Variants in NCAM2 observed in about 807,000 individuals in gnomAD.
NCAM2 encodes neural cell adhesion molecule 2, also known as N-CAM-2.
In NCAM2, 30 loss-of-function variants were observed where a neutral mutation model predicts 98.1. The ratio of observed to expected loss-of-function variants is 0.31; its 90% CI spans 0.23 to 0.41. The LOEUF is 0.41. Among genes scored for constraint, NCAM2 ranks in the 10% least tolerant of loss-of-function variants. NCAM2 has a pLI of 1.00. For synonymous variants in NCAM2, 368 were observed against 342.4 expected (o/e 1.07, Z -0.83); for missense variants, 867 against 1,005.8 (o/e 0.86, Z 1.87).
At chr21:21,160,021 A>C (rs1034761874) in intron 1 of NCAM2, among the ~76,000 whole-genome samples, 1 of 152,110 alleles carries the variant, frequency 6.6e-6, no homozygotes, top group African/African-American at 2.4e-5. Context: ...GTTTATGCTC[A>C]TCGCGTATTC....
chr21:21,217,300 A>G (rs1336489428), intron 1 of NCAM2, among the ~76,000 whole-genome samples: 1 of 152,204 alleles, frequency 6.6e-6, no homozygotes, highest in African/African-American at 2.4e-5. Flanking sequence ...AAGTCTGTGC[A>G]CAAACCCCAG....
intron 12 of NCAM2, among the ~76,000 whole-genome samples, chr21:21,438,214 A>C (rs1293163447): frequency 1.3e-5 from 2 of 151,964 alleles, no homozygotes; most frequent in Non-Finnish European, 2.9e-5. Context: ...GAATACACTT[A>C]TTGATGTGTC....
chr21:21,330,892 CAA>C (rs1040511625), intron 6 of NCAM2, among the ~76,000 whole-genome samples: 26 of 152,072 alleles, frequency 1.7e-4, no homozygotes, highest in African/African-American at 6.3e-4. Flanking sequence ...ACTATGTCTT[CAA>C]GTTTACTAAT....
chr21:21,411,220 A>G (rs1346503016), intron 10 of NCAM2, among the ~76,000 whole-genome samples: 2 of 137,994 alleles, frequency 1.4e-5, no homozygotes, highest in African/African-American at 5.4e-5. Flanking sequence ...AAATTTTTCC[A>G]TATATATATA....
At position 21,508,808 on chromosome 21, in the gene NCAM2, CTTTTTTTTTTTTTTT is replaced by C. The variant is rs764097299; in HGVS notation, c.2078-25_2078-11del. The C allele has an allele frequency of 6.8e-4, 279 of 413,206 alleles. 1 individual carries two copies. Among genetic ancestry groups the C allele is most frequent in the Middle Eastern group, 3.6e-3 (4 of 1,124 alleles). 25.6% of individuals were successfully genotyped at this position (413,206 alleles called of 1,614,324 possible). A position where few individuals can be genotyped will look rare whatever the true frequency, so the allele number is the denominator to read the frequency against. ...ATTTAGAGGTTTAATACTTTTTTTC[CTTTTTTTTTTTTTTT>C]TTTTTTTTTTTTTTTTTACTTTTTA... On this transcript the variant is annotated intron_variant, in intron 15 of 17. Transcript: ENST00000400546.
rs771852385 is a variant in NCAM2 at position 21,283,559 on chromosome 21, T to A, written c.131-635T>A. Reference sequence around the variant, plus strand: ...TATCATATGAATAAATAGTTAACAGTTTTAGATTAAAATAATGAAACTACT... The same window carrying A: ...TATCATATGAATAAATAGTTAACAGATTTAGATTAAAATAATGAAACTACT... On this transcript the variant is annotated intron_variant, in intron 2 of 17. Coordinates refer to ENST00000400546, the MANE Select transcript of NCAM2 (RefSeq NM_004540.5). 1.6e-4 allele frequency among the ~76,000 whole-genome samples: 24 copies of A among 152,012 alleles called. No individual in the cohort carries two copies. In the South Asian group the frequency reaches 2.7e-3, roughly 17 times the overall value.
Position 21,106,377 on chromosome 21 carries a change from G to T in NCAM2, c.55+107759G>T, listed in dbSNP as rs192188179. 1.7e-4 allele frequency among the ~76,000 whole-genome samples: 25 copies of T among 145,438 alleles called. No homozygotes were observed. In the East Asian group the frequency reaches 4.9e-3, roughly 29 times the overall value. ...TCTGGGCAATATATTTAAATATGAT[G>T]TTTCTTTCTTTAGATTTTTCTTTAT... On this transcript the variant is annotated intron_variant, in intron 1 of 17. Transcript: ENST00000400546.
At chr21:21,377,786 C>T (rs988531032) in intron 9 of NCAM2, among the ~76,000 whole-genome samples, 1 of 151,874 alleles carries the variant, frequency 6.6e-6, no homozygotes, top group Non-Finnish European at 1.5e-5. Context: ...ACCTATTTCT[C>T]CTGTCTATCT....
At chr21:21,456,733 G>A (rs1158684450) in intron 12 of NCAM2, among the ~76,000 whole-genome samples, 1 of 152,136 alleles carries the variant, frequency 6.6e-6, no homozygotes, top group African/African-American at 2.4e-5. Context: ...TGGTATTGGA[G>A]GTGGGGCTTT....
chr21:21,442,878 T>C (rs1028845970), intron 12 of NCAM2, among the ~76,000 whole-genome samples: 1 of 152,176 alleles, frequency 6.6e-6, no homozygotes, highest in Non-Finnish European at 1.5e-5. Context: ...TGAAATATTT[T>C]TTAAGGGGAG....
At chr21:21,494,416 TA>T (rs933513122) in intron 15 of NCAM2, among the ~76,000 whole-genome samples, 6 of 151,914 alleles carry the variant, frequency 3.9e-5, no homozygotes, top group Admixed American at 6.6e-5. Context: ...AACAAAGAAC[TA>T]AAAATAAAAT....
intron 8 of NCAM2, among the ~76,000 whole-genome samples, chr21:21,350,472 G>GAA (rs146747521): frequency 3.3e-5 from 5 of 152,108 alleles, no homozygotes; most frequent in Admixed American, 3.3e-4. Flanking sequence ...ATGCTACTGG[G>GAA]AAAAAAATTA....
chr21:21,085,832 G>T (rs370981845), intron 1 of NCAM2, among the ~76,000 whole-genome samples: 1 of 152,030 alleles, frequency 6.6e-6, no homozygotes, highest in African/African-American at 2.4e-5. Flanking sequence ...AAAAAATTTT[G>T]TTATTTCAAA....
chr21:21,009,807 A>G (rs1019808246), intron 1 of NCAM2, among the ~76,000 whole-genome samples: 6 of 151,536 alleles, frequency 4.0e-5, no homozygotes, highest in Admixed American at 4.0e-4. Context: ...TTTTTAAGAG[A>G]TACTTTAATG....
At chr21:21,190,925 A>G (rs2068800351) in intron 1 of NCAM2, among the ~76,000 whole-genome samples, 1 of 152,184 alleles carries the variant, frequency 6.6e-6, no homozygotes, top group South Asian at 2.1e-4. Context: ...TAATATTGTT[A>G]TAAATTACAG....
chr21:21,017,319 G>C (rs2064329910), intron 1 of NCAM2, among the ~76,000 whole-genome samples: 1 of 151,228 alleles, frequency 6.6e-6, no homozygotes, highest in Non-Finnish European at 1.5e-5. Flanking sequence ...CCAGCTACTT[G>C]GGAGGCTGAG....
At chr21:21,015,524 T>A (rs1601095310) in intron 1 of NCAM2, among the ~76,000 whole-genome samples, 1 of 152,186 alleles carries the variant, frequency 6.6e-6, no homozygotes, top group Non-Finnish European at 1.5e-5. Context: ...TGTATGGACA[T>A]TTTTAGACAT....
intron 8 of NCAM2, among the ~76,000 whole-genome samples, chr21:21,352,233 T>A (rs1013347227): frequency 2.6e-5 from 4 of 152,074 alleles, no homozygotes; most frequent in African/African-American, 9.7e-5. Context: ...ACTAGCTAAA[T>A]TTTTGTAGGT....
intron 1 of NCAM2, among the ~76,000 whole-genome samples, chr21:21,065,259 G>C (rs1019378610): frequency 1.3e-5 from 2 of 151,902 alleles, no homozygotes; most frequent in Admixed American, 1.3e-4. Flanking sequence ...AATTATAGAA[G>C]TCATAAGCCA....
Sources: gnomAD v4.1 joint callset for allele counts (sites outside exome capture counted in the v4.1 genomes callset) on GRCh38, gnomAD v4.1.1 for gene constraint, MANE v1.5 for transcripts, NCBI Gene and HGNC (gene_info 2026-07-23, HGNC 2026-07-21) for gene names.